Variants in SAMD12 observed in about 807,000 individuals in gnomAD.
SAMD12 encodes the protein sterile alpha motif domain containing 12.
Under a neutral mutation model 15.0 loss-of-function variants are expected in SAMD12, and 9 were observed. The ratio of observed to expected loss-of-function variants is 0.60; its 90% CI spans 0.36 to 1.05. SAMD12 has a LOEUF of 1.05. Ranked by LOEUF, SAMD12 falls within the 50% of genes least tolerant of loss-of-function variation. The pLI, the probability that SAMD12 is intolerant of heterozygous loss-of-function variation, is 0.01. For missense variants in SAMD12, 230 were observed against 234.2 expected, an observed-to-expected ratio of 0.98 and a Z score of 0.12; for synonymous variants, 86 against 90.1, an observed-to-expected ratio of 0.96 and a Z score of 0.25.
intron 3 of SAMD12, among the ~76,000 whole-genome samples, chr8:118,414,395 T>TA (rs1554657724): frequency 3.3e-5 from 5 of 151,780 alleles, no homozygotes; most frequent in East Asian, 3.9e-4. Flanking sequence ...AATTTTTTTT[T>TA]AAAAAAGGAG....
chr8:118,388,888 A>G (rs550659530), intron 3 of SAMD12, among the ~76,000 whole-genome samples: 1 of 152,286 alleles, frequency 6.6e-6, no homozygotes, highest in East Asian at 1.9e-4. Context: ...GGGTGAGAGG[A>G]GAAAGTCAGA....
At chr8:118,308,103 T>C (rs1815438821) in intron 4 of SAMD12, among the ~76,000 whole-genome samples, 1 of 152,228 alleles carries the variant, frequency 6.6e-6, no homozygotes, top group South Asian at 2.1e-4. Flanking sequence ...GATGAGGTAG[T>C]ATGCTAACCT....
intron 4 of SAMD12, among the ~76,000 whole-genome samples, chr8:118,252,715 T>C (rs1249690032): frequency 6.6e-6 from 1 of 152,050 alleles, no homozygotes; most frequent in Non-Finnish European, 1.5e-5. Flanking sequence ...TTCCCTACCT[T>C]TCATTTACCA....
intron 2 of SAMD12, among the ~76,000 whole-genome samples, chr8:118,446,561 C>G (rs1484142447): frequency 6.6e-6 from 1 of 152,172 alleles, no homozygotes; most frequent in Non-Finnish European, 1.5e-5. Flanking sequence ...TGGAAAAACA[C>G]TGATCTAGAT....
chr8:118,512,507 A>C (rs1825116468), intron 2 of SAMD12, among the ~76,000 whole-genome samples: 1 of 152,240 alleles, frequency 6.6e-6, no homozygotes, highest in Non-Finnish European at 1.5e-5. Flanking sequence ...GTCATGCCAG[A>C]TACTCAATAA....
rs539495183 is a variant in SAMD12, at chr8:118,610,025, C to A, written c.13+11779G>T. On this transcript the variant is annotated intron_variant, in intron 1 of 3. Transcript: ENST00000314727. ...ATATCCATAGATTCTTTTGTATTTC[C>A]CAGTGTCATTCACTGTGTTGAGCTT... Among the ~76,000 whole-genome samples, 22 of 152,276 alleles carry A rather than the reference C, an allele frequency of 1.4e-4. No homozygotes were observed. In the South Asian group the frequency reaches 4.6e-3, roughly 32 times the overall value.
intron 1 of SAMD12, among the ~76,000 whole-genome samples, chr8:118,616,557 A>G (rs1828244255): frequency 6.6e-6 from 1 of 152,124 alleles, no homozygotes; most frequent in Non-Finnish European, 1.5e-5. Flanking sequence ...CTCCCTCTTT[A>G]CCCTCTGGGT....
At chr8:118,222,129 G>A (rs1329020317) in intron 4 of SAMD12, among the ~76,000 whole-genome samples, 1 of 152,192 alleles carries the variant, frequency 6.6e-6, no homozygotes, top group African/African-American at 2.4e-5. Flanking sequence ...GGTGGCAGGA[G>A]AAAAGACAGG....
chr8:118,333,509 T>G (rs1434934144), intron 4 of SAMD12, among the ~76,000 whole-genome samples: 1 of 152,166 alleles, frequency 6.6e-6, no homozygotes, highest in Non-Finnish European at 1.5e-5. Flanking sequence ...AGTTGAAGAA[T>G]TTCCTCACCC....
At chr8:118,223,395 C>T (rs1168071134) in intron 4 of SAMD12, among the ~76,000 whole-genome samples, 1 of 152,202 alleles carries the variant, frequency 6.6e-6, no homozygotes, top group African/African-American at 2.4e-5. Context: ...CCCTAGAAGA[C>T]ACTGACTCAC....
chr8:118,165,612 ATG>A, the SAMD12 span, among the ~76,000 whole-genome samples: 26 of 63,040 alleles, frequency 4.1e-4, no homozygotes, highest in South Asian at 5.3e-3. Flanking sequence ...ACATATATAT[ATG>A]TATATATATA....
intron 1 of SAMD12, among the ~76,000 whole-genome samples, chr8:118,615,424 G>A (rs541858069): frequency 6.6e-6 from 1 of 152,086 alleles, no homozygotes; most frequent in East Asian, 1.9e-4. Flanking sequence ...ACTGGCAGGG[G>A]TCAGAGTGGG....
At chr8:118,300,741 G>C (rs1814976716) in intron 4 of SAMD12, among the ~76,000 whole-genome samples, 1 of 152,166 alleles carries the variant, frequency 6.6e-6, no homozygotes, top group Admixed American at 6.5e-5. Context: ...CAGCCTAAGT[G>C]ATTATCTAGC....
At chr8:118,473,084 G>C (rs1823851188) in intron 2 of SAMD12, among the ~76,000 whole-genome samples, 1 of 152,148 alleles carries the variant, frequency 6.6e-6, no homozygotes, top group African/African-American at 2.4e-5. Flanking sequence ...TGAGGCAGTG[G>C]GGAGAAGGGA....
chr8:118,442,514 G>A (rs1008718664), intron 2 of SAMD12, among the ~76,000 whole-genome samples: 1 of 152,136 alleles, frequency 6.6e-6, no homozygotes, highest in Non-Finnish European at 1.5e-5. Context: ...GAAGACGTTG[G>A]GCATGGAGGG....
intron 1 of SAMD12, among the ~76,000 whole-genome samples, chr8:118,599,090 T>C (rs191832766): frequency 3.3e-4 from 51 of 152,320 alleles, no homozygotes; most frequent in Non-Finnish European, 6.9e-4. Context: ...CAAGGCCCTA[T>C]TGAGCACCCA....
intron 2 of SAMD12, among the ~76,000 whole-genome samples, chr8:118,568,610 G>C (rs1443998044): frequency 6.6e-6 from 1 of 152,078 alleles, no homozygotes; most frequent in Non-Finnish European, 1.5e-5. Context: ...CTGATTTTGA[G>C]AATTTAAAAA....
At chr8:118,132,794 T>C in the SAMD12 span, among the ~76,000 whole-genome samples, 1 of 151,780 alleles carries the variant, frequency 6.6e-6, no homozygotes, top group Non-Finnish European at 1.5e-5. Flanking sequence ...CAGTTTTTAA[T>C]TGCAGGAGCC....
intron 1 of SAMD12, 152 bp from the exon 2 acceptor site, chr8:118,581,045 AG>A: frequency 1.8e-6 from 1 of 568,562 alleles, no homozygotes. Flanking sequence ...TATGGTGAGG[AG>A]GGAGCACGGT....
Sources: gnomAD v4.1 joint callset for allele counts (sites outside exome capture counted in the v4.1 genomes callset) on GRCh38, gnomAD v4.1.1 for gene constraint, MANE v1.5 for transcripts, NCBI Gene and HGNC (gene_info 2026-07-23, HGNC 2026-07-21) for gene names.